Variants in DACH2 observed in about 807,000 individuals in gnomAD.
DACH2 encodes dachshund homolog 2.
Under a neutral mutation model 35.8 loss-of-function variants are expected in DACH2, and 17 were observed. The observed-to-expected ratio is 0.48, with a 90% CI of 0.33 to 0.71. DACH2 has a LOEUF of 0.71. DACH2 is among the 30% of genes least tolerant of loss of function. The pLI is 0.02. For synonymous variants in DACH2, 195 were observed against 177.3 expected, an observed-to-expected ratio of 1.10 and a Z score of -0.79; for missense variants, 469 against 472.7, an observed-to-expected ratio of 0.99 and a Z score of 0.07.
intron 1 of DACH2, among the ~76,000 whole-genome samples, chrX:86,228,136 G>C (rs755956039): frequency 2.8e-5 from 3 of 108,644 alleles, no homozygotes; most frequent in South Asian, 8.2e-4. Flanking sequence ...TTACCCCCAA[G>C]TCTCCAAAGT....
At position 86,508,485 on chromosome X, in the gene DACH2, G is replaced by A. The variant is rs748174541; in HGVS notation, c.528-5794G>A. On this transcript the variant is annotated intron_variant, in intron 2 of 11. Transcript: ENST00000373125. ...TGAGACAGGAGAATCACTTGAACCC[G>A]GGAAGCAGAGGTTGCAGTGGGTTGA... Among the ~76,000 whole-genome samples the A allele has an allele frequency of 3.6e-5, 4 of 109,931 alleles. No individual in the cohort carries two copies. In the South Asian group the frequency reaches 1.6e-3, roughly 43 times the overall value.
intron 1 of DACH2, among the ~76,000 whole-genome samples, chrX:86,213,298 A>G (rs1347376967): frequency 2.7e-5 from 3 of 111,460 alleles, no homozygotes; most frequent in Non-Finnish European, 5.7e-5. Context: ...TATCCAAACA[A>G]GTTATTTAGA....
At chrX:86,630,458 TATG>T (rs1378926743) in intron 3 of DACH2, among the ~76,000 whole-genome samples, 13 of 109,887 alleles carry the variant, frequency 1.2e-4, no homozygotes, top group African/African-American at 4.3e-4. Context: ...GCTTGTGGCA[TATG>T]ATAAGTGCTA....
intron 1 of DACH2, among the ~76,000 whole-genome samples, chrX:86,311,189 A>T (rs1346720373): frequency 1.8e-5 from 2 of 112,058 alleles, no homozygotes; most frequent in Non-Finnish European, 3.8e-5. Context: ...CTTACTCCAG[A>T]TATGGGTTTG....
chrX:86,376,962 C>CCTG, intron 2 of DACH2, 100 bp downstream of exon 2: 1 of 370,281 alleles, frequency 2.7e-6, no homozygotes, highest in South Asian at 6.9e-5. Flanking sequence ...CTGTACTATA[C>CCTG]TCACTAAGGT....
intron 3 of DACH2, among the ~76,000 whole-genome samples, chrX:86,609,964 C>A (rs772161806): frequency 9.0e-6 from 1 of 111,419 alleles, no homozygotes; most frequent in Non-Finnish European, 1.9e-5. Flanking sequence ...CACTTCCTGG[C>A]TTCCACCCAT....
chrX:86,765,607 A>C (rs1023581933), intron 7 of DACH2, among the ~76,000 whole-genome samples: 4 of 108,746 alleles, frequency 3.7e-5, no homozygotes, highest in Non-Finnish European at 7.6e-5. Flanking sequence ...ATTTTGTGCC[A>C]ATACCATGGT....
chrX:86,205,916 T>G (rs997605907), intron 1 of DACH2, among the ~76,000 whole-genome samples: 4 of 111,219 alleles, frequency 3.6e-5, no homozygotes, highest in Non-Finnish European at 5.7e-5. Flanking sequence ...TTATAACCTA[T>G]TACCTACTGC....
intron 2 of DACH2, among the ~76,000 whole-genome samples, chrX:86,462,337 G>A (rs990325673): frequency 1.8e-5 from 2 of 111,299 alleles, no homozygotes; most frequent in Non-Finnish European, 3.8e-5. Flanking sequence ...GAATTACGTT[G>A]TACAAAGCAG....
intron 4 of DACH2, among the ~76,000 whole-genome samples, chrX:86,658,940 T>A (rs948560403): frequency 3.0e-4 from 33 of 111,494 alleles, no homozygotes; most frequent in African/African-American, 3.2e-5. Flanking sequence ...GACTTTTGTG[T>A]CAGTTTTGCT....
chrX:86,778,398 T>C (rs767580909), intron 7 of DACH2, among the ~76,000 whole-genome samples: 4 of 111,087 alleles, frequency 3.6e-5, no homozygotes, highest in African/African-American at 9.8e-5. Flanking sequence ...TGATTAGTGA[T>C]ATTGAGCCAA....
At chrX:86,512,300 A>ATT (rs34776310) in intron 2 of DACH2, among the ~76,000 whole-genome samples, 29 of 102,594 alleles carry the variant, frequency 2.8e-4, no homozygotes, top group Non-Finnish European at 5.4e-4. Context: ...CTGTGAAACC[A>ATT]TTTTTTTTTT....
chrX:86,724,338 T>C (rs2041441349), intron 6 of DACH2, among the ~76,000 whole-genome samples: 1 of 112,232 alleles, frequency 8.9e-6, no homozygotes, highest in South Asian at 3.6e-4. Flanking sequence ...AGTGAACTTT[T>C]GTTTCCATGT....
At chrX:86,768,565 T>C (rs1046228611) in intron 7 of DACH2, among the ~76,000 whole-genome samples, 5 of 111,912 alleles carry the variant, frequency 4.5e-5, no homozygotes, top group Non-Finnish European at 7.5e-5. Flanking sequence ...ATTATCATTG[T>C]AATGGTAAAG....
At chrX:86,152,021 A>G (rs1347365518) in intron 1 of DACH2, among the ~76,000 whole-genome samples, 2 of 111,799 alleles carry the variant, frequency 1.8e-5, no homozygotes, top group Admixed American at 9.5e-5. Context: ...AGGACTCATG[A>G]CTTCTTAGTG....
intron 3 of DACH2, among the ~76,000 whole-genome samples, chrX:86,650,614 A>G (rs192118697): frequency 9.0e-6 from 1 of 111,727 alleles, no homozygotes; most frequent in Admixed American, 9.6e-5. Flanking sequence ...TTAGCAGACA[A>G]AAGAATACAT....
chrX:86,278,871 A>G (rs1249034528), intron 1 of DACH2, among the ~76,000 whole-genome samples: 1 of 111,440 alleles, frequency 9.0e-6, no homozygotes, highest in African/African-American at 3.3e-5. Context: ...GGGCGTCCGC[A>G]ATTACTGAGT....
chrX:86,571,391 C>G (rs993237452), intron 3 of DACH2, among the ~76,000 whole-genome samples: 2 of 110,316 alleles, frequency 1.8e-5, no homozygotes, highest in African/African-American at 6.6e-5. Context: ...TGGTGTGCTG[C>G]ACCCATTAAC....
chrX:86,172,820 A>G (rs1050174670), intron 1 of DACH2, among the ~76,000 whole-genome samples: 1 of 112,080 alleles, frequency 8.9e-6, no homozygotes, highest in South Asian at 3.7e-4. Context: ...GATAGGAAAT[A>G]CTGCCTTTTA....
Sources: gnomAD v4.1 joint callset for allele counts (sites outside exome capture counted in the v4.1 genomes callset) on GRCh38, gnomAD v4.1.1 for gene constraint, MANE v1.5 for transcripts, NCBI Gene and HGNC (gene_info 2026-07-23, HGNC 2026-07-21) for gene names.